ATXN1: variants seen among roughly 807,000 people sequenced by gnomAD.
ATXN1 encodes the protein ataxin-1.
A neutral mutation model predicts 56.4 loss-of-function variants in ATXN1; 8 were observed. The ratio of observed to expected loss-of-function variants is 0.14; its 90% CI spans 0.08 to 0.26. The LOEUF (loss-of-function observed/expected upper bound fraction) is 0.26. ATXN1 is among the 10% of genes least tolerant of loss of function. The pLI is 1.00. For missense variants in ATXN1, 987 were observed against 1,106.5 expected, an observed-to-expected ratio of 0.89 and a Z score of 1.53; for synonymous variants, 514 against 494.6, an observed-to-expected ratio of 1.04 and a Z score of -0.52.
chr6:16,616,555 T>TAA (rs1561780326), intron 3 of ATXN1, among the ~76,000 whole-genome samples: 1 of 144,932 alleles, frequency 6.9e-6, no homozygotes, highest in African/African-American at 2.5e-5. Flanking sequence ...ATATATATAA[T>TAA]ATATTTTATA....
chr6:16,606,495 G>A (rs565442518), intron 3 of ATXN1, among the ~76,000 whole-genome samples: 36 of 149,168 alleles, frequency 2.4e-4, no homozygotes, highest in East Asian at 1.4e-3. Context: ...TTGTTTGTTC[G>A]TTTGTTTGTG....
chr6:16,598,962 G>A (rs954375078), intron 3 of ATXN1, among the ~76,000 whole-genome samples: 2 of 152,182 alleles, frequency 1.3e-5, no homozygotes, highest in Admixed American at 1.3e-4. Flanking sequence ...TTACCCCAAG[G>A]GCACCTGCAA....
rs78705466 is a variant in ATXN1 at position 16,580,337 on chromosome 6, A to G, written c.-361+5443T>C. ...CATTTCATTTGATAACCTCTAAGAGAAAAAAATAGTGATTTGAAAAGTACC... is the reference window on the plus strand; with the variant it reads ...CATTTCATTTGATAACCTCTAAGAGGAAAAAATAGTGATTTGAAAAGTACC... On this transcript the variant is annotated intron_variant, in intron 4 of 7. Transcript: ENST00000436367. Among the ~76,000 whole-genome samples, 345 of 152,328 alleles carry G rather than the reference A, an allele frequency of 2.3e-3. 2 individuals carry two copies. The East Asian group carries it at 0.03, about 13-fold the overall frequency.
chr6:16,639,666 GCTTCAA>G (rs1763671733), intron 3 of ATXN1, among the ~76,000 whole-genome samples: 1 of 152,184 alleles, frequency 6.6e-6, no homozygotes, highest in Non-Finnish European at 1.5e-5. Flanking sequence ...GGGAAGTGCA[GCTTCAA>G]CCAGCAGCAG....
rs75466802 is a variant in ATXN1 at position 16,516,798 on chromosome 6, C to T, written c.-299+5829G>A. ...ACTGCCCTCAGTATCTTTTAATTGC[C>T]TTAATGTCACTTTTACTCACTCCTT... On this transcript the variant is annotated intron_variant, in intron 5 of 7. Coordinates refer to ENST00000436367, the MANE Select transcript of ATXN1 (RefSeq NM_001128164.2). Among the ~76,000 whole-genome samples, 1,215 of 152,252 alleles carry T rather than the reference C, an allele frequency of 8.0e-3. 16 individuals are homozygous for T. Among genetic ancestry groups the T allele is most frequent in the African/African-American group, 0.028 (1,170 of 41,536 alleles).
At chr6:16,730,365 T>A (rs1337178535) in intron 2 of ATXN1, among the ~76,000 whole-genome samples, 1 of 151,928 alleles carries the variant, frequency 6.6e-6, no homozygotes, top group East Asian at 1.9e-4. Context: ...TTAAATGAAG[T>A]TTGTTACTGC....
At chr6:16,503,905 A>AT (rs1387013860) in intron 5 of ATXN1, among the ~76,000 whole-genome samples, 12 of 152,326 alleles carry the variant, frequency 7.9e-5, no homozygotes, top group African/African-American at 2.6e-4. Flanking sequence ...TACGTTCACA[A>AT]TGATGCACAA....
chr6:16,615,966 G>C (rs189431704), intron 3 of ATXN1: 1 of 152,182 alleles, frequency 6.6e-6, no homozygotes, highest in Admixed American at 6.5e-5. Flanking sequence ...CTGGGAGGCA[G>C]AGGTTGCAAT....
chr6:16,685,425 G>A (rs1758897802), intron 2 of ATXN1, among the ~76,000 whole-genome samples: 1 of 152,122 alleles, frequency 6.6e-6, no homozygotes, highest in African/African-American at 2.4e-5. Context: ...GCATCTTAGG[G>A]AGTTCCCCCG....
chr6:16,384,534 A>G (rs1758198428), intron 6 of ATXN1, among the ~76,000 whole-genome samples: 1 of 152,248 alleles, frequency 6.6e-6, no homozygotes, highest in Admixed American at 6.5e-5. Context: ...AAGGAGCTCC[A>G]TTGATATGGT....
chr6:16,342,477 G>C (rs1362692972), intron 6 of ATXN1, among the ~76,000 whole-genome samples: 1 of 152,132 alleles, frequency 6.6e-6, no homozygotes, highest in African/African-American at 2.4e-5. Context: ...TCCTCAAAAT[G>C]TGAAATACAG....
At chr6:16,525,289 G>A (rs950457669) in intron 4 of ATXN1, among the ~76,000 whole-genome samples, 3 of 152,140 alleles carry the variant, frequency 2.0e-5, no homozygotes, top group African/African-American at 7.2e-5. Flanking sequence ...ACCAACAGAT[G>A]AATGGATAAA....
chr6:16,538,678 G>A (rs1478280159), intron 4 of ATXN1, among the ~76,000 whole-genome samples: 1 of 150,208 alleles, frequency 6.7e-6, no homozygotes, highest in East Asian at 2.0e-4. Flanking sequence ...TGAGAACATG[G>A]GGTGTTTGGT....
chr6:16,592,217 G>A (rs530766764), intron 3 of ATXN1, among the ~76,000 whole-genome samples: 2 of 152,150 alleles, frequency 1.3e-5, no homozygotes, highest in African/African-American at 2.4e-5. Flanking sequence ...TGATGAATCC[G>A]AGCAGCAGAG....
chr6:16,403,804 G>T (rs12193455), intron 6 of ATXN1, among the ~76,000 whole-genome samples: 1 of 152,062 alleles, frequency 6.6e-6, no homozygotes, highest in Non-Finnish European at 1.5e-5. Context: ...TCTATAGGTT[G>T]TGGGGCTGCA....
intron 6 of ATXN1, among the ~76,000 whole-genome samples, chr6:16,425,477 C>A (rs1437598267): frequency 6.6e-6 from 1 of 152,220 alleles, no homozygotes; most frequent in Non-Finnish European, 1.5e-5. Flanking sequence ...AGGTATTATT[C>A]ACACACCTTG....
chr6:16,328,569 TC>T lies in ATXN1; in HGVS notation c.-160-100del, dbSNP rs1279211227. Reference sequence around the variant, plus strand: ...GAACATGAGCACCGGGGAAAGAACATCTTTGGCAAGATTAAGACTAGGCCCT... The same window carrying T: ...GAACATGAGCACCGGGGAAAGAACATTTTGGCAAGATTAAGACTAGGCCCT... On this transcript the variant is annotated intron_variant, in intron 6 of 7. Coordinates refer to ENST00000436367, the MANE Select transcript of ATXN1 (RefSeq NM_001128164.2). This position sits in a 1 kb window ranked among gnomAD's most constrained non-coding sequence, Gnocchi z 6.2. 5 of 469,112 alleles carry T rather than the reference TC, an allele frequency of 1.1e-5. No homozygotes were observed. The highest frequency in any genetic ancestry group is 1.7e-5 in the Non-Finnish European group (5 of 299,776). The allele number at this position is 469,112 out of a possible 1,614,324, so 29.1% of individuals were successfully genotyped here. A position where few individuals can be genotyped will look rare whatever the true frequency, so the allele number is the denominator to read the frequency against.
intron 6 of ATXN1, among the ~76,000 whole-genome samples, chr6:16,471,188 T>TAA (rs1449408844): frequency 2.4e-5 from 3 of 126,868 alleles, no homozygotes; most frequent in African/African-American, 9.6e-5. Flanking sequence ...TTCTGGCAAT[T>TAA]AAAACACACA....
At chr6:16,757,820 A>G (rs1482359552) in intron 1 of ATXN1, among the ~76,000 whole-genome samples, 1 of 143,468 alleles carries the variant, frequency 7.0e-6, no homozygotes, top group Non-Finnish European at 1.5e-5. Flanking sequence ...TTCAGCAACT[A>G]AAGCAACTTT....
Sources: gnomAD v4.1 joint callset for allele counts (sites outside exome capture counted in the v4.1 genomes callset) on GRCh38, gnomAD v4.1.1 for gene constraint, Gnocchi (gnomAD v3.1) non-coding constraint, MANE v1.5 for transcripts, NCBI Gene and HGNC (gene_info 2026-07-23, HGNC 2026-07-21) for gene names.